Variants in MROH9 observed in about 807,000 individuals in gnomAD.
MROH9 encodes the protein maestro heat like repeat family member 9, also known as maestro heat-like repeat-containing protein family member 9.
MROH9 carries 92 observed loss-of-function variants against 98.2 expected under a neutral mutation model. The ratio of observed to expected loss-of-function variants is 0.94; its 90% CI spans 0.79 to 1.11. The LOEUF is 1.11. MROH9 is among the 50% of genes most tolerant of loss of function. MROH9 has a pLI of 0.00. For synonymous variants in MROH9, 397 were observed against 368.9 expected (o/e 1.08, Z -0.87); for missense variants, 1,057 against 1,014.8 (o/e 1.04, Z -0.57).
At chr1:171,016,449 A>G in intron 17 of MROH9, 113 bp downstream of exon 17, 1 of 786,592 alleles carries the variant, frequency 1.3e-6, no homozygotes, top group African/African-American at 1.8e-5. Flanking sequence ...AGAAGCCACC[A>G]TTTCTTTTAC....
intron 6 of MROH9, among the ~76,000 whole-genome samples, chr1:170,964,485 C>A (rs527877201): frequency 1.3e-5 from 2 of 152,192 alleles, no homozygotes; most frequent in East Asian, 1.9e-4. Context: ...TAGACCCTGA[C>A]AGATTGCCTT....
chr1:171,057,084 C>A (rs1653859952), intron 20 of MROH9, among the ~76,000 whole-genome samples: 1 of 152,172 alleles, frequency 6.6e-6, no homozygotes, highest in South Asian at 2.1e-4. Context: ...AATGTCTCTC[C>A]AGCAAGGGCA....
intron 8 of MROH9, 83 bp from the exon 9 acceptor site, chr1:170,983,339 G>A (rs1651004668): frequency 1.0e-6 from 1 of 954,914 alleles, no homozygotes; most frequent in Non-Finnish European, 1.6e-6. Context: ...AACTGGGCAG[G>A]AAAAGAAAAT....
intron 7 of MROH9, among the ~76,000 whole-genome samples, chr1:170,969,900 T>A (rs1650374826): frequency 6.6e-6 from 1 of 152,324 alleles, no homozygotes; most frequent in Admixed American, 6.5e-5. Context: ...GTAACTGTGG[T>A]TGTCACGCTT....
At chr1:170,937,188 T>C (rs1648917615) in intron 1 of MROH9, among the ~76,000 whole-genome samples, 1 of 152,218 alleles carries the variant, frequency 6.6e-6, no homozygotes, top group African/African-American at 2.4e-5. Context: ...TTCTTTAATT[T>C]CTTTTAATTC....
Position 171,044,972 on chromosome 1 carries a change from CTTTTTTTTTTTTTTTTTT to C in MROH9, c.2282-17130_2282-17113del, listed in dbSNP as rs754332732. On this transcript the variant is annotated intron_variant, in intron 20 of 21. Transcript: ENST00000367759. ...CAATTCCATTTATTTCTGCTCTGAT[CTTTTTTTTTTTTTTTTTT>C]TTTTTTTTTTTTTTTTTTTTTTTTT... 4.1e-3 allele frequency among the ~76,000 whole-genome samples: 189 copies of C among 45,646 alleles called. 15 individuals carry two copies. Among genetic ancestry groups the C allele is most frequent in the African/African-American group, 7.2e-3 (104 of 14,518 alleles). The allele number at this position is 45,646 out of a possible 152,430, so 29.9% of individuals were successfully genotyped here.
chr1:171,032,318 T>C (rs1025771956), intron 20 of MROH9, among the ~76,000 whole-genome samples: 3 of 152,188 alleles, frequency 2.0e-5, no homozygotes, highest in Admixed American at 6.5e-5. Context: ...TTCTGTGTCC[T>C]TGATGGAAAG....
chr1:171,030,519 AT>A (rs1299352268), intron 20 of MROH9, among the ~76,000 whole-genome samples: 1 of 152,100 alleles, frequency 6.6e-6, no homozygotes, highest in East Asian at 1.9e-4. Flanking sequence ...GAACTTCTTG[AT>A]TTCTGCCCTA....
At chr1:170,959,970 A>G (rs1363736052) in intron 5 of MROH9, among the ~76,000 whole-genome samples, 1 of 152,230 alleles carries the variant, frequency 6.6e-6, no homozygotes, top group Non-Finnish European at 1.5e-5. Flanking sequence ...ATTGCTATAC[A>G]GTGAACTTGC....
intron 20 of MROH9, among the ~76,000 whole-genome samples, chr1:171,026,126 A>G (rs1338049913): frequency 6.6e-6 from 1 of 152,130 alleles, no homozygotes; most frequent in Non-Finnish European, 1.5e-5. Context: ...GGTAGATGAC[A>G]AAATGAATTA....
intron 1 of MROH9, among the ~76,000 whole-genome samples, chr1:170,942,016 A>G (rs1473211236): frequency 6.6e-6 from 1 of 152,176 alleles, no homozygotes; most frequent in African/African-American, 2.4e-5. Flanking sequence ...GAGCTGCACC[A>G]TTAAATGCAG....
chr1:170,944,908 C>A (rs1401819575), intron 1 of MROH9, among the ~76,000 whole-genome samples: 1 of 151,936 alleles, frequency 6.6e-6, no homozygotes, highest in Non-Finnish European at 1.5e-5. Context: ...AAATCATTCT[C>A]ATGATTATGT....
intron 15 of MROH9, among the ~76,000 whole-genome samples, chr1:171,002,323 T>G (rs1651810406): frequency 6.6e-6 from 1 of 152,198 alleles, no homozygotes; most frequent in African/African-American, 2.4e-5. Context: ...TTTTTGCTTT[T>G]TAACTTGTAT....
intron 14 of MROH9, among the ~76,000 whole-genome samples, chr1:170,996,901 T>C (rs550230815): frequency 1.3e-5 from 2 of 152,264 alleles, no homozygotes; most frequent in Non-Finnish European, 2.9e-5. Flanking sequence ...CAGGTTTCTT[T>C]TCTTACAGAT....
chr1:170,989,361 C>G (rs1003627026), intron 10 of MROH9, among the ~76,000 whole-genome samples: 1 of 152,112 alleles, frequency 6.6e-6, no homozygotes, highest in African/African-American at 2.4e-5. Flanking sequence ...ATGGGACCTA[C>G]GAGTAGAGTT....
intron 8 of MROH9, among the ~76,000 whole-genome samples, chr1:170,975,295 A>C (rs1650638109): frequency 6.6e-6 from 1 of 152,154 alleles, no homozygotes. Flanking sequence ...TGTTAACAAT[A>C]ATAAAAAGAA....
chr1:171,012,794 C>T (rs1412182977), intron 15 of MROH9, among the ~76,000 whole-genome samples: 2 of 152,190 alleles, frequency 1.3e-5, no homozygotes, highest in African/African-American at 4.8e-5. Flanking sequence ...TGAGCCACCG[C>T]ACCCGGCCAA....
intron 7 of MROH9, among the ~76,000 whole-genome samples, chr1:170,966,871 C>T (rs1650253590): frequency 6.6e-6 from 1 of 152,032 alleles, no homozygotes; most frequent in Admixed American, 6.6e-5. Context: ...TGTATCTCAC[C>T]ACTCAAAACT....
At chr1:170,980,162 C>T (rs7418153) in intron 8 of MROH9, among the ~76,000 whole-genome samples, 5 of 152,074 alleles carry the variant, frequency 3.3e-5, no homozygotes, top group African/African-American at 1.2e-4. Flanking sequence ...GCCATACTGC[C>T]TAAAGTAATT....
Sources: gnomAD v4.1 joint callset for allele counts (sites outside exome capture counted in the v4.1 genomes callset) on GRCh38, gnomAD v4.1.1 for gene constraint, MANE v1.5 for transcripts, NCBI Gene and HGNC (gene_info 2026-07-23, HGNC 2026-07-21) for gene names.